PCDHA1: variants seen among roughly 807,000 people sequenced by gnomAD.
The protein encoded by PCDHA1 is protocadherin alpha 1, also known as protocadherin alpha-1.
PCDHA1 carries 42 observed loss-of-function variants against 61.3 expected under a neutral mutation model. That is an observed-to-expected ratio of 0.69 (90% CI 0.54 to 0.89). The LOEUF (loss-of-function observed/expected upper bound fraction) is 0.89. PCDHA1 is among the 40% of genes least tolerant of loss of function. The pLI, the probability that PCDHA1 is intolerant of heterozygous loss-of-function variation, is 0.00. For synonymous variants in PCDHA1, 610 were observed against 553.8 expected, an observed-to-expected ratio of 1.10 and a Z score of -1.43; for missense variants, 1,256 against 1,235.3, an observed-to-expected ratio of 1.02 and a Z score of -0.25.
chr5:140,935,172 A>G (rs1278781509), intron 1 of PCDHA1, among the ~76,000 whole-genome samples: 34 of 152,164 alleles, frequency 2.2e-4, no homozygotes, highest in Admixed American at 2.1e-3. Context: ...AGGTGTGCTT[A>G]TTGCTGCTGG....
intron 1 of PCDHA1, among the ~76,000 whole-genome samples, chr5:140,957,571 G>A (rs2095367794): frequency 6.6e-6 from 1 of 152,068 alleles, no homozygotes; most frequent in African/African-American, 2.4e-5. Flanking sequence ...AGGGACTACT[G>A]TACTTTTAAC....
rs1554139232 is a variant in PCDHA1 at position 140,842,637 on chromosome 5, C to T, written c.2394+53953C>T. On this transcript the variant is annotated intron_variant, in intron 1 of 3. Transcript: ENST00000504120. ...GGCTCGCCTTCGCTGTGGGCCACCG[C>T]CAGCTTGTCTGTGGAGGTGGCCGAC... 4 of 1,592,344 alleles carry T rather than the reference C, an allele frequency of 2.5e-6. No individual in the cohort carries two copies. The Middle Eastern group carries it at 6.8e-4, about 271-fold the overall frequency.
chr5:140,851,487 C>G (rs1273932978), intron 1 of PCDHA1: 3 of 888,978 alleles, frequency 3.4e-6, no homozygotes, highest in African/African-American at 1.8e-5. Context: ...TAAACACAGC[C>G]TTCATTTCAA....
chr5:140,883,080 A>G, intron 1 of PCDHA1: 1 of 1,614,140 alleles, frequency 6.2e-7, no homozygotes, highest in Non-Finnish European at 8.5e-7. Flanking sequence ...GATCCTGATG[A>G]TGGTACAAAT....
intron 1 of PCDHA1, among the ~76,000 whole-genome samples, chr5:140,879,081 T>C (rs1425343317): frequency 1.3e-5 from 2 of 152,084 alleles, no homozygotes; most frequent in African/African-American, 4.8e-5. Flanking sequence ...GAGAGATAAG[T>C]AGGAACAACT....
intron 1 of PCDHA1, chr5:140,843,297 T>C: frequency 6.3e-7 from 1 of 1,595,944 alleles, no homozygotes; most frequent in Non-Finnish European, 8.6e-7. Context: ...GAACCTGCGC[T>C]GACCGCCACG....
intron 3 of PCDHA1, among the ~76,000 whole-genome samples, chr5:141,000,395 CTATATA>C (rs1190667031): frequency 5.7e-4 from 31 of 53,962 alleles, no homozygotes; most frequent in Admixed American, 2.5e-3. Flanking sequence ...CTCTCTCTCT[CTATATA>C]TATATATATA....
intron 1 of PCDHA1, chr5:140,807,522 G>A (rs1554124063): frequency 1.9e-6 from 3 of 1,614,126 alleles, no homozygotes; most frequent in Non-Finnish European, 2.5e-6. Flanking sequence ...ATCGTAGACA[G>A]GCCGCTGCAG....
At chr5:140,962,428 C>G (rs1359949802) in intron 1 of PCDHA1, among the ~76,000 whole-genome samples, 1 of 152,136 alleles carries the variant, frequency 6.6e-6, no homozygotes, top group Non-Finnish European at 1.5e-5. Flanking sequence ...TTTATTGTTA[C>G]TTATCCAAAG....
At chr5:140,876,549 G>A in intron 1 of PCDHA1, 2 of 1,614,206 alleles carry the variant, frequency 1.2e-6, no homozygotes, top group Non-Finnish European at 1.7e-6. Flanking sequence ...CGCTCCCTGT[G>A]CAAGAGGATG....
intron 1 of PCDHA1, among the ~76,000 whole-genome samples, chr5:140,923,319 A>G (rs1004006693): frequency 1.1e-4 from 16 of 152,264 alleles, no homozygotes; most frequent in African/African-American, 3.9e-4. Flanking sequence ...TTGGCCTAGA[A>G]GTTCAAGGAC....
chr5:140,871,152 G>T lies in PCDHA1; in HGVS notation c.2394+82468G>T, dbSNP rs376980257. 913 of 1,613,436 alleles carry T rather than the reference G, an allele frequency of 5.7e-4. 8 individuals carry two copies. In the South Asian group the frequency reaches 9.3e-3, roughly 16 times the overall value. Reference sequence around the variant, plus strand: ...CAAAGGCCTCTTCCCGGACTTTGGCGGGCGCCGCGAGCCCAGAGGCTGCGC... The same window carrying T: ...CAAAGGCCTCTTCCCGGACTTTGGCTGGCGCCGCGAGCCCAGAGGCTGCGC... On this transcript the variant is annotated intron_variant, in intron 1 of 3. Transcript: ENST00000504120.
At chr5:140,852,867 T>A (rs2042500160) in intron 1 of PCDHA1, 1 of 952,126 alleles carries the variant, frequency 1.1e-6, no homozygotes, top group African/African-American at 1.8e-5. Context: ...TACTATGTCA[T>A]CAATAATCAT....
rs1484578726 is a variant in PCDHA1 at position 140,802,134 on chromosome 5, A to G, written c.2394+13450A>G. The stretch of plus-strand genomic sequence containing the variant: ...AAAGGGTAACATAGATTTCGAGGAA[A>G]GTAAGTCATATGAAATCCAGGTAGA... On this transcript the variant is annotated intron_variant, in intron 1 of 3. Coordinates refer to ENST00000504120, the MANE Select transcript of PCDHA1 (RefSeq NM_018900.4). The G allele has an allele frequency of 1.2e-6, 2 of 1,614,248 alleles. No homozygotes were observed. Among genetic ancestry groups the G allele is most frequent in the African/African-American group, 1.3e-5 (1 of 75,066 alleles).
At chr5:140,977,978 G>A (rs1401757319) in intron 1 of PCDHA1, among the ~76,000 whole-genome samples, 2 of 152,048 alleles carry the variant, frequency 1.3e-5, no homozygotes, top group Non-Finnish European at 2.9e-5. Flanking sequence ...CCATGAAAAC[G>A]CATCTAGAGG....
At chr5:140,941,331 T>G (rs1277354289) in intron 1 of PCDHA1, among the ~76,000 whole-genome samples, 1 of 148,120 alleles carries the variant, frequency 6.8e-6, no homozygotes. Context: ...TTTTTTTTTT[T>G]TTTCAGATGG....
chr5:140,801,915 C>G, intron 1 of PCDHA1: 2 of 1,614,120 alleles, frequency 1.2e-6, no homozygotes, highest in South Asian at 2.2e-5. Context: ...CGACAACGCC[C>G]CAGCGTTTGA....
intron 1 of PCDHA1, chr5:140,843,709 C>A: frequency 6.3e-7 from 1 of 1,574,864 alleles, no homozygotes; most frequent in Non-Finnish European, 8.7e-7. Flanking sequence ...TTGATCATGG[C>A]CTCAAAGTAA....
chr5:140,823,751 C>T (rs1767860558), intron 1 of PCDHA1: 2 of 1,613,712 alleles, frequency 1.2e-6, no homozygotes, highest in South Asian at 1.1e-5. Flanking sequence ...CCCCCGCTGA[C>T]AGCCACAGCC....
Sources: allele counts gnomAD v4.1 joint callset (sites outside exome capture counted in the v4.1 genomes callset), GRCh38; gene constraint gnomAD v4.1.1; transcripts MANE v1.5; gene names NCBI Gene and HGNC (gene_info 2026-07-23, HGNC 2026-07-21).